PRAG1: variants seen among roughly 807,000 people sequenced by gnomAD.
The protein encoded by PRAG1 is inactive tyrosine-protein kinase PRAG1.
Under a neutral mutation model 95.6 loss-of-function variants are expected in PRAG1, and 110 were observed. The ratio of observed to expected loss-of-function variants is 1.15; its 90% CI spans 0.99 to 1.35. PRAG1 has a LOEUF of 1.35. Among genes scored for constraint, PRAG1 ranks in the 40% most tolerant of loss-of-function variants. The pLI is 0.00. For missense variants in PRAG1, 2,554 were observed against 1,864.7 expected, an observed-to-expected ratio of 1.37 and a Z score of -6.81; for synonymous variants, 1,052 against 819.4, an observed-to-expected ratio of 1.28 and a Z score of -4.85.
chr8:8,360,245 G>A (rs1020294703), intron 3 of PRAG1, among the ~76,000 whole-genome samples: 1 of 152,074 alleles, frequency 6.6e-6, no homozygotes, highest in East Asian at 1.9e-4. Context: ...AAAATGACCT[G>A]GCCTCCCACA....
At chr8:8,382,035 A>G (rs1800694094) in intron 1 of PRAG1, among the ~76,000 whole-genome samples, 1 of 152,214 alleles carries the variant, frequency 6.6e-6, no homozygotes, top group South Asian at 2.1e-4. Context: ...CAGAAGCTGT[A>G]AAAACTAAAC....
chr8:8,336,882 C>T (rs1242583412), intron 4 of PRAG1, among the ~76,000 whole-genome samples: 3 of 133,026 alleles, frequency 2.3e-5, no homozygotes, highest in Non-Finnish European at 4.7e-5. Context: ...TAAAACCTTC[C>T]CCCCACTCCC....
rs1349622288 is a variant in PRAG1, at chr8:8,376,389, G to A, written c.2020C>T (p.Leu674Phe). 2 of 1,614,168 alleles carry A rather than the reference G, an allele frequency of 1.2e-6. No homozygotes were observed. The highest frequency in any genetic ancestry group is 1.7e-6 in the Non-Finnish European group (2 of 1,180,046). ...DHSNSTTWHR[L>F]HPTDGSSGQN... is the part of the protein sequence containing the mutation. ...CCAGAGGAGCCATCTGTGGGGTGGA[G>A]ACGGTGCCAGGTCGTGGAGTTTGAA... is the stretch of plus-strand genomic sequence containing the variant. Residue 674 changes from leucine to phenylalanine, a missense_variant, in exon 3 of 6, where the codon CTC becomes TTC. Leu to Phe is a conservative substitution (Grantham distance 22). Transcript: ENST00000615670.
chr8:8,323,053 G>A (rs1004260280), intron 5 of PRAG1, among the ~76,000 whole-genome samples: 1 of 152,162 alleles, frequency 6.6e-6, no homozygotes, highest in African/African-American at 2.4e-5. Context: ...GCACACAAAT[G>A]TGAAAAACAA....
intron 3 of PRAG1, among the ~76,000 whole-genome samples, chr8:8,340,865 C>G (rs1799139470): frequency 6.6e-6 from 1 of 152,142 alleles, no homozygotes; most frequent in South Asian, 2.1e-4. Flanking sequence ...ACAGTGAAGG[C>G]AACATTATGA....
Position 8,318,231 on chromosome 8 carries a change from A to G in PRAG1, c.4144T>C (p.Trp1382Arg). The change falls in exon 6 of 6, where the codon TGG (tryptophan) becomes CGG (arginine). Residue 1382 changes from tryptophan to arginine, a missense_variant. Trp to Arg is a moderately radical substitution (Grantham distance 101). Coordinates refer to ENST00000615670, the MANE Select transcript of PRAG1 (RefSeq NM_001080826.3). The surrounding 1 kb of genome is among the most constrained non-coding windows in gnomAD (Gnocchi z 4.2). The part of the protein sequence containing the change: ...DRRRGVELED[W>R]LCCQYLASAE... ...GACGCCAGGTACTGGCAGCAAAGCC[A>G]GTCCTCCAGCTCCACGCCCCGCCTG... 1.2e-6 allele frequency: 2 copies of G among 1,614,178 alleles called. No homozygotes were observed. The highest frequency in any genetic ancestry group is 1.1e-5 in the South Asian group (1 of 91,088).
At chr8:8,362,048 G>A (rs779107641) in intron 3 of PRAG1, among the ~76,000 whole-genome samples, 4 of 152,094 alleles carry the variant, frequency 2.6e-5, no homozygotes, top group Admixed American at 6.5e-5. Flanking sequence ...CTAACCTCAC[G>A]CACTTGAGGT....
At chr8:8,350,220 AGGATGGCAGATGTTT>A (rs1353337863) in intron 3 of PRAG1, among the ~76,000 whole-genome samples, 1 of 152,226 alleles carries the variant, frequency 6.6e-6, no homozygotes, top group Non-Finnish European at 1.5e-5. Flanking sequence ...TGCAGGAGTG[AGGATGGCAGATGTTT>A]GGGGGTATCC....
rs994959178 is a variant in PRAG1 at position 8,334,505 on chromosome 8, G to A, written c.2320+4973C>T. Among the ~76,000 whole-genome samples, 8 of 151,706 alleles carry A rather than the reference G, an allele frequency of 5.3e-5. 1 individual carries two copies. The highest frequency in any genetic ancestry group is 1.5e-4 in the African/African-American group (6 of 41,270). ...AAGAAGATAAACGTGTTCTGAAACT[G>A]GAAGCAGGTTATTAGCATTTTACAA... is the stretch of plus-strand genomic sequence containing the variant. On this transcript the variant is annotated intron_variant, in intron 4 of 5. Coordinates refer to ENST00000615670, the MANE Select transcript of PRAG1 (RefSeq NM_001080826.3).
At chr8:8,328,499 G>T in intron 4 of PRAG1, 38 bp from the exon 5 acceptor site, 1 of 1,601,624 alleles carries the variant, frequency 6.2e-7, no homozygotes. Flanking sequence ...ACCAAGGCCA[G>T]TGCCACTCAA....
chr8:8,348,514 ACTG>A (rs1360040830), intron 3 of PRAG1, among the ~76,000 whole-genome samples: 1 of 152,098 alleles, frequency 6.6e-6, no homozygotes, highest in Non-Finnish European at 1.5e-5. Flanking sequence ...TGGTTAACAT[ACTG>A]CTATTTCCCC....
rs1416441017 is a variant in PRAG1 at position 8,318,823 on chromosome 8, G to A, written c.3552C>T (p.Ala1184=). 2.1e-6 allele frequency: 3 copies of A among 1,442,104 alleles called. No homozygotes were observed. The Admixed American group carries it at 7.8e-5, about 37-fold the overall frequency. The allele number at this position is 1,442,104 out of a possible 1,614,324, so 89.3% of individuals were successfully genotyped here. ...PAAAAPPCSS[A]APPAGGTLSP... ...TGAGAGTGCCACCAGCAGGCGGGGC[G>A]GCAGAGGAGCAGGGAGGCGCGGCGG... Residue 1184 remains alanine (A), a synonymous_variant, in exon 6 of 6, where the codon GCC becomes GCT. Coordinates refer to ENST00000615670, the MANE Select transcript of PRAG1 (RefSeq NM_001080826.3). The surrounding 1 kb of genome is among the most constrained non-coding windows in gnomAD (Gnocchi z 4.2).
chr8:8,320,025 T>G (rs573064635), intron 5 of PRAG1, among the ~76,000 whole-genome samples: 7 of 152,236 alleles, frequency 4.6e-5, no homozygotes, highest in Non-Finnish European at 1.0e-4. Flanking sequence ...TGGAGCAGTT[T>G]GTTAGTTTCT....
Position 8,377,147 on chromosome 8 carries a change from TTCTTCCTCTTGGTGC to T in PRAG1, c.1247_1261del (p.Ser416_Lys420del), listed in dbSNP as rs759336705. On this transcript the variant is annotated inframe_deletion, in exon 3 of 6. Coordinates refer to ENST00000615670, the MANE Select transcript of PRAG1 (RefSeq NM_001080826.3). ...TGACTTGGAAGGCACCGGAGCTGCC[TTCTTCCTCTTGGTGC>T]TCTCAGCATAGATGGGTTCAGGCTG... 6.2e-7 allele frequency: 1 copy of T among 1,612,332 alleles called. No individual in the cohort carries two copies. Among genetic ancestry groups the T allele is most frequent in the South Asian group, 1.1e-5 (1 of 91,084 alleles).
intron 3 of PRAG1, among the ~76,000 whole-genome samples, chr8:8,365,844 G>A (rs1799985925): frequency 1.3e-5 from 2 of 151,538 alleles, no homozygotes; most frequent in Admixed American, 6.6e-5. Context: ...GCTGGACATG[G>A]TGGTATGCCC....
chr8:8,329,080 G>A (rs911389979), intron 4 of PRAG1, among the ~76,000 whole-genome samples: 9 of 152,134 alleles, frequency 5.9e-5, no homozygotes, highest in African/African-American at 2.2e-4. Context: ...TATAGAGGGT[G>A]TAACTGGCCA....
rs182015592 is a variant in PRAG1, at chr8:8,363,692, G to A, written c.2162+12555C>T. 7.2e-5 allele frequency among the ~76,000 whole-genome samples: 11 copies of A among 152,222 alleles called. No individual in the cohort carries two copies. The East Asian group carries it at 9.6e-4, about 13-fold the overall frequency. Reference sequence around the variant, plus strand: ...AAACTTTATACTTTAAAATGGTTACGATGGTGAATTTTATGTTATATGTAA... The same window carrying A: ...AAACTTTATACTTTAAAATGGTTACAATGGTGAATTTTATGTTATATGTAA... On this transcript the variant is annotated intron_variant, in intron 3 of 5. Coordinates refer to ENST00000615670, the MANE Select transcript of PRAG1 (RefSeq NM_001080826.3).
chr8:8,318,588 C>A lies in PRAG1; in HGVS notation c.3787G>T (p.Glu1263Ter), dbSNP rs375755627. 140 of 1,613,236 alleles carry A rather than the reference C, an allele frequency of 8.7e-5. 1 individual carries two copies. Among genetic ancestry groups the A allele is most frequent in the Non-Finnish European group, 2.3e-5 (27 of 1,179,900 alleles). The change falls in exon 6 of 6, where the codon GAG becomes TAG. Residue 1263 changes from glutamate to a stop codon, truncating the protein, a stop_gained. Coordinates refer to ENST00000615670, the MANE Select transcript of PRAG1 (RefSeq NM_001080826.3). LOFTEE classifies it high-confidence loss of function. This position sits in a 1 kb window ranked among gnomAD's most constrained non-coding sequence, Gnocchi z 4.2. ...DEFQTGILIY[E>*]LLHQPNPFEV... ...AACGGGTTGGGTTGGTGCAGCAGCT[C>A]GTAGATGAGGATGCCTGTCTGGAAC...
chr8:8,343,600 G>T (rs1799241216), intron 3 of PRAG1, among the ~76,000 whole-genome samples: 1 of 152,128 alleles, frequency 6.6e-6, no homozygotes, highest in Non-Finnish European at 1.5e-5. Context: ...CTTATTGTGG[G>T]TCATGGTTTT....
Sources: gnomAD v4.1 joint callset for allele counts (sites outside exome capture counted in the v4.1 genomes callset) on GRCh38, gnomAD v4.1.1 for gene constraint, Gnocchi (gnomAD v3.1) non-coding constraint, MANE v1.5 for transcripts, NCBI Gene and HGNC (gene_info 2026-07-23, HGNC 2026-07-21) for gene names.